Variants in DOCK9 observed in about 807,000 individuals in gnomAD.
DOCK9 encodes the protein dedicator of cytokinesis 9, also known as dedicator of cytokinesis protein 9.
A neutral mutation model predicts 263.3 loss-of-function variants in DOCK9; 89 were observed. The observed-to-expected ratio is 0.34, with a 90% CI of 0.28 to 0.40. The LOEUF is 0.40. Among genes scored for constraint, DOCK9 ranks in the 10% least tolerant of loss-of-function variants. The pLI is 1.00. For missense variants in DOCK9, 2,140 were observed against 2,603.4 expected, an observed-to-expected ratio of 0.82 and a Z score of 3.87; for synonymous variants, 976 against 973.1, an observed-to-expected ratio of 1.00 and a Z score of -0.06.
intron 1 of DOCK9, among the ~76,000 whole-genome samples, chr13:99,012,502 T>TA (rs1884671824): frequency 6.6e-6 from 1 of 152,190 alleles, no homozygotes; most frequent in Non-Finnish European, 1.5e-5. Context: ...ATACAGCTCT[T>TA]ACCTGATGAC....
chr13:98,802,958 A>G (rs1352893481), intron 49 of DOCK9, among the ~76,000 whole-genome samples: 2 of 152,260 alleles, frequency 1.3e-5, no homozygotes, highest in Admixed American at 1.3e-4. Flanking sequence ...TACTATTTAC[A>G]AAGTTATGAC....
intron 27 of DOCK9, among the ~76,000 whole-genome samples, chr13:98,870,042 T>C: frequency 6.6e-6 from 1 of 152,224 alleles, no homozygotes. Context: ...GAACCTTCTG[T>C]CGAATTTAAA....
intron 2 of DOCK9, among the ~76,000 whole-genome samples, chr13:98,941,241 G>A (rs1340503478): frequency 1.3e-5 from 2 of 152,160 alleles, no homozygotes; most frequent in African/African-American, 4.8e-5. Context: ...AGAACACCTG[G>A]CACAAGATGA....
intron 1 of DOCK9, among the ~76,000 whole-genome samples, chr13:99,004,568 T>C (rs1481346929): frequency 2.0e-5 from 3 of 152,184 alleles, no homozygotes; most frequent in Non-Finnish European, 2.9e-5. Context: ...AGAAAACACC[T>C]ATCATCGGCA....
At chr13:98,955,399 AC>A in intron 2 of DOCK9, 35 bp downstream of exon 2, 1 of 1,379,560 alleles carries the variant, frequency 7.2e-7, no homozygotes, top group Admixed American at 2.0e-5. Context: ...AAGATCAAAC[AC>A]GTGGTTCTAC....
intron 1 of DOCK9, among the ~76,000 whole-genome samples, chr13:98,990,879 G>A (rs777814353): frequency 1.9e-4 from 29 of 152,250 alleles, no homozygotes; most frequent in Admixed American, 2.6e-4. Context: ...AAAGGAATGC[G>A]GAATGCTCTC....
chr13:98,949,683 C>T (rs369391959), intron 2 of DOCK9: 17 of 194,156 alleles, frequency 8.8e-5, no homozygotes, highest in South Asian at 9.6e-5. Flanking sequence ...CCAAAACACA[C>T]GCTTCCACTA....
intron 13 of DOCK9, among the ~76,000 whole-genome samples, chr13:98,898,854 A>T (rs2047826679): frequency 6.6e-6 from 1 of 152,136 alleles, no homozygotes; most frequent in East Asian, 1.9e-4. Context: ...TTGTTGATTG[A>T]TTGATTAATT....
In DOCK9 at chr13:98,794,560, C is replaced by A; in HGVS notation, c.*66G>T. ...TGTGCTCGGTCTCCCCAGTGATTGG[C>A]TTTGGAAAGCATCCTGAGTTTGCAA... On this transcript the variant is annotated 3_prime_UTR_variant, in exon 53 of 53. Coordinates refer to ENST00000682017, the MANE Select transcript of DOCK9 (RefSeq NM_001366683.2). The A allele has an allele frequency of 6.5e-7, 1 of 1,533,294 alleles. No individual in the cohort carries two copies. Among genetic ancestry groups the A allele is most frequent in the South Asian group, 1.2e-5 (1 of 80,860 alleles). The allele number at this position is 1,533,294 out of a possible 1,614,324, so 95.0% of individuals were successfully genotyped here. A position where few individuals can be genotyped will look rare whatever the true frequency, so the allele number is the denominator to read the frequency against.
intron 2 of DOCK9, among the ~76,000 whole-genome samples, chr13:98,934,395 G>T (rs2054479786): frequency 6.6e-6 from 1 of 152,212 alleles, no homozygotes; most frequent in Non-Finnish European, 1.5e-5. Flanking sequence ...ACTACAATGT[G>T]AGTGAAGAAC....
At chr13:98,916,763 G>C (rs1291852013) in intron 7 of DOCK9, among the ~76,000 whole-genome samples, 1 of 152,146 alleles carries the variant, frequency 6.6e-6, no homozygotes, top group African/African-American at 2.4e-5. Flanking sequence ...CATGAAAAGA[G>C]AAAGTTAAAA....
intron 1 of DOCK9, among the ~76,000 whole-genome samples, chr13:98,994,109 T>C (rs1304002182): frequency 1.3e-5 from 2 of 152,146 alleles, no homozygotes; most frequent in African/African-American, 2.4e-5. Context: ...AAAAAAATAA[T>C]CAATGGACTA....
chr13:98,876,795 C>G (rs1480473509), intron 27 of DOCK9, among the ~76,000 whole-genome samples: 2 of 145,152 alleles, frequency 1.4e-5, no homozygotes, highest in Non-Finnish European at 3.1e-5. Context: ...AGGGTGTCTG[C>G]AGGGCCAGGG....
intron 1 of DOCK9, among the ~76,000 whole-genome samples, chr13:98,990,543 T>C (rs1185781792): frequency 1.3e-5 from 2 of 152,212 alleles, no homozygotes. Context: ...CTTCATTAAT[T>C]TGGGGAAAAA....
At chr13:98,892,054 T>G (rs1338820625) in intron 15 of DOCK9, among the ~76,000 whole-genome samples, 1 of 152,186 alleles carries the variant, frequency 6.6e-6, no homozygotes, top group East Asian at 1.9e-4. Context: ...AGTACCTATA[T>G]TCTATGCAAA....
intron 52 of DOCK9, 21 bp from the exon 53 acceptor site, chr13:98,794,769 G>A (rs569691232): frequency 1.2e-5 from 19 of 1,613,194 alleles, no homozygotes; most frequent in South Asian, 8.8e-5. Flanking sequence ...GAAACACAAC[G>A]TTACTGAGGG....
chr13:98,803,569 T>C (rs970535072), intron 49 of DOCK9, among the ~76,000 whole-genome samples: 1 of 152,194 alleles, frequency 6.6e-6, no homozygotes, highest in Admixed American at 6.5e-5. Flanking sequence ...CTGATGCTGC[T>C]GGTCCTGGAC....
intron 1 of DOCK9, among the ~76,000 whole-genome samples, chr13:99,021,217 C>G: frequency 6.6e-6 from 1 of 152,234 alleles, no homozygotes; most frequent in South Asian, 2.1e-4. Context: ...GGTTTTCTTC[C>G]CTGATAATGA....
intron 27 of DOCK9, among the ~76,000 whole-genome samples, chr13:98,870,791 G>A (rs1301334636): frequency 3.3e-5 from 5 of 151,946 alleles, no homozygotes; most frequent in South Asian, 2.1e-4. Flanking sequence ...CAGGGAACAC[G>A]GGGCAGAGAA....
Sources: gnomAD v4.1 joint callset for allele counts (sites outside exome capture counted in the v4.1 genomes callset) on GRCh38, gnomAD v4.1.1 for gene constraint, MANE v1.5 for transcripts, NCBI Gene and HGNC (gene_info 2026-07-23, HGNC 2026-07-21) for gene names.